COBLL1: variants seen among roughly 807,000 people sequenced by gnomAD.
COBLL1 encodes the protein cordon-bleu protein-like 1.
COBLL1 carries 50 observed loss-of-function variants against 94.8 expected under a neutral mutation model. The ratio of observed to expected loss-of-function variants is 0.53; its 90% CI spans 0.42 to 0.67. The LOEUF (loss-of-function observed/expected upper bound fraction) is 0.67. Among genes scored for constraint, COBLL1 ranks in the 30% least tolerant of loss-of-function variants. The pLI is 0.00. For missense variants in COBLL1, 1,362 were observed against 1,348.7 expected (o/e 1.01, Z -0.15); for synonymous variants, 448 against 473.8 (o/e 0.95, Z 0.71).
At chr2:164,837,698 T>C (rs1368040394) in intron 2 of COBLL1, among the ~76,000 whole-genome samples, 4 of 152,120 alleles carry the variant, frequency 2.6e-5, no homozygotes, top group Non-Finnish European at 5.9e-5. Context: ...TGTAATTATA[T>C]ATGAATGTAC....
intron 2 of COBLL1, among the ~76,000 whole-genome samples, chr2:164,829,528 C>T (rs544735380): frequency 6.6e-6 from 1 of 152,080 alleles, no homozygotes; most frequent in Non-Finnish European, 1.5e-5. Context: ...AAATAAAATT[C>T]TCCCCTTGAA....
At chr2:164,805,321 C>G (rs1227994590) in intron 2 of COBLL1, among the ~76,000 whole-genome samples, 8 of 35,582 alleles carry the variant, frequency 2.2e-4, no homozygotes, top group African/African-American at 8.9e-4. Flanking sequence ...CTCTCTCTCT[C>G]TCTCTCTCTC....
chr2:164,738,329 T>C (rs970249463), intron 3 of COBLL1: 1 of 152,182 alleles, frequency 6.6e-6, no homozygotes, highest in Admixed American at 6.5e-5. Flanking sequence ...CTAATACTTA[T>C]TCAATGAGGA....
intron 4 of COBLL1, among the ~76,000 whole-genome samples, chr2:164,729,246 TC>T (rs1685863062): frequency 6.6e-6 from 1 of 151,746 alleles, no homozygotes; most frequent in African/African-American, 2.4e-5. Context: ...GTCACATGTA[TC>T]AATTTAATAT....
chr2:164,704,957 A>G lies in COBLL1; in HGVS notation c.1145T>C (p.Val382Ala), dbSNP rs1171544584. 1 of 1,577,298 alleles carries G rather than the reference A, an allele frequency of 6.3e-7. No homozygotes were observed. Among genetic ancestry groups the G allele is most frequent in the African/African-American group, 1.4e-5 (1 of 73,338 alleles). The change falls in exon 8 of 14, where the codon GTG becomes GCG. Residue 382 changes from valine to alanine, a missense_variant. Physicochemically the swap from Val to Ala is moderately conservative, Grantham distance 64 (BLOSUM62 0). Coordinates refer to ENST00000652658, the MANE Select transcript of COBLL1 (RefSeq NM_001365672.2). ...PPHQSDENSR[V>A]TALQPVDGVP... ...TAATGAAACAACCACATTACCAGTC[A>G]CACGACTATTTTCATCACTTTGATG...
At position 164,694,760 on chromosome 2, in the gene COBLL1, G is replaced by A. The variant is rs1683821776; in HGVS notation, c.2632C>T (p.His878Tyr). Residue 878 changes from histidine (H) to tyrosine (Y), a missense_variant, in exon 12 of 14, where the codon CAC becomes TAC. Physicochemically the swap from His to Tyr is moderately conservative, Grantham distance 83. Transcript: ENST00000652658. ...FLQMQKRVSG[H>Y]YVTSAAAKSV... ...TTGGCAGCTGCAGATGTCACATAGT[G>A]ACCCGATACTCTCTTCTGCATCTGC... The A allele has an allele frequency of 6.2e-7, 1 of 1,613,650 alleles. No individual in the cohort carries two copies. The highest frequency in any genetic ancestry group is 8.5e-7 in the Non-Finnish European group (1 of 1,179,968).
chr2:164,724,000 C>G (rs551630941), intron 5 of COBLL1: 42 of 152,302 alleles, frequency 2.8e-4, no homozygotes, highest in African/African-American at 9.1e-4. Flanking sequence ...GCCATATTGG[C>G]CAGGCTGGTC....
At position 164,704,979 on chromosome 2, in the gene COBLL1, G is replaced by T. The variant is rs1344235591; in HGVS notation, c.1123C>A (p.Gln375Lys). Residue 375 changes from glutamine to lysine, a missense_variant, in exon 8 of 14, where the codon CAA becomes AAA. Transcript: ENST00000652658. ...GTCACACGACTATTTTCATCACTTT[G>T]ATGCGGGGGTATTTTGGAGGGTGGG... ...PSPPSKIPPH[Q>K]SDENSRVTAL... The T allele has an allele frequency of 1.3e-6, 2 of 1,594,132 alleles. No homozygotes were observed. The highest frequency in any genetic ancestry group is 1.7e-6 in the Non-Finnish European group (2 of 1,172,962).
chr2:164,767,124 A>G (rs1687971022), intron 2 of COBLL1, among the ~76,000 whole-genome samples: 1 of 152,232 alleles, frequency 6.6e-6, no homozygotes, highest in Non-Finnish European at 1.5e-5. Context: ...CTACGGAAAC[A>G]CAGAGAGGGA....
intron 3 of COBLL1, among the ~76,000 whole-genome samples, chr2:164,736,107 G>A (rs1338858841): frequency 2.6e-5 from 4 of 151,998 alleles, no homozygotes; most frequent in South Asian, 2.1e-4. Context: ...ATCCCTATGA[G>A]ATTTCCCACT....
chr2:164,789,718 C>G (rs566328555), intron 2 of COBLL1, among the ~76,000 whole-genome samples: 2 of 152,308 alleles, frequency 1.3e-5, no homozygotes, highest in South Asian at 2.1e-4. Flanking sequence ...ACCCAGTCAT[C>G]AGCAAGCCTA....
At chr2:164,789,781 C>T (rs973513558) in intron 2 of COBLL1, among the ~76,000 whole-genome samples, 2 of 152,128 alleles carry the variant, frequency 1.3e-5, no homozygotes, top group South Asian at 4.2e-4. Flanking sequence ...CTGCTGTTAC[C>T]CCCTTTAACG....
At chr2:164,702,618 A>G (rs184154763) in intron 9 of COBLL1, among the ~76,000 whole-genome samples, 2 of 151,696 alleles carry the variant, frequency 1.3e-5, no homozygotes, top group East Asian at 3.9e-4. Flanking sequence ...TTGAAAAAAA[A>G]TGAAAGGCCA....
chr2:164,821,731 ATC>A (rs1458409056), intron 2 of COBLL1, among the ~76,000 whole-genome samples: 1 of 152,204 alleles, frequency 6.6e-6, no homozygotes, highest in Non-Finnish European at 1.5e-5. Flanking sequence ...TGTGCTCACT[ATC>A]TCTGCATCTT....
In COBLL1 at chr2:164,743,831, T is replaced by C. The variant is rs892316638; in HGVS notation, c.86A>G (p.Lys29Arg). The C allele has an allele frequency of 2.9e-5, 47 of 1,609,104 alleles. No individual in the cohort carries two copies. Among genetic ancestry groups the C allele is most frequent in the African/African-American group, 4.0e-5 (3 of 74,810 alleles). Residue 29 changes from lysine to arginine, a missense_variant, in exon 3 of 14, where the codon AAA becomes AGA. Transcript: ENST00000652658. ...AKAPLPPAETKYTDVSSAADS... is the reference protein window; with the variant it reads ...AKAPLPPAETRYTDVSSAADS... Reference sequence around the variant, plus strand: ...AGCAGCTGAAGAGACATCAGTATATTTGGTCTCAGCTGGAGGAAGTGGTGC... The same window carrying C: ...AGCAGCTGAAGAGACATCAGTATATCTGGTCTCAGCTGGAGGAAGTGGTGC...
At chr2:164,688,192 A>C (rs1480344897) in intron 13 of COBLL1, among the ~76,000 whole-genome samples, 2 of 152,214 alleles carry the variant, frequency 1.3e-5, no homozygotes, top group African/African-American at 2.4e-5. Flanking sequence ...CTTACAGAGC[A>C]ACCTATCAAG....
chr2:164,775,733 C>T lies in COBLL1; in HGVS notation c.42-31858G>A, dbSNP rs567448646. ...CCTATCAAAGTGCTGAGATTACAGG[C>T]GTGAGCCACGGCACCTGGCCCTTGG... On this transcript the variant is annotated intron_variant, in intron 2 of 13. Coordinates refer to ENST00000652658, the MANE Select transcript of COBLL1 (RefSeq NM_001365672.2). 2.0e-3 allele frequency among the ~76,000 whole-genome samples: 310 copies of T among 152,258 alleles called. 3 individuals are homozygous for T. The highest frequency in any genetic ancestry group is 0.016 in the South Asian group (77 of 4,826).
intron 11 of COBLL1, chr2:164,696,340 TA>T (rs1683940878): frequency 6.6e-6 from 1 of 152,158 alleles, no homozygotes; most frequent in African/African-American, 2.4e-5. Flanking sequence ...TACCTAACAT[TA>T]AAAGGAAAAG....
chr2:164,664,417 G>GA (rs1385005041), intron 2 of COBLL1, among the ~76,000 whole-genome samples: 2 of 152,202 alleles, frequency 1.3e-5, no homozygotes, highest in African/African-American at 4.8e-5. Flanking sequence ...ATGACAAAAT[G>GA]AAAAGTTCAA....
Sources: allele counts gnomAD v4.1 joint callset (sites outside exome capture counted in the v4.1 genomes callset), GRCh38; gene constraint gnomAD v4.1.1; transcripts MANE v1.5; gene names NCBI Gene and HGNC (gene_info 2026-07-23, HGNC 2026-07-21).